The following IKBKG variants were observed in gnomAD, a reference collection of about 807,000 sequenced individuals.
IKBKG encodes the protein inhibitor of nuclear factor kappa B kinase regulatory subunit gamma, also known as NF-kappa-B essential modulator.
Under a neutral mutation model 13.7 loss-of-function variants are expected in IKBKG, and 2 were observed. The observed-to-expected ratio is 0.15, with a 90% CI of 0.06 to 0.46. The LOEUF (loss-of-function observed/expected upper bound fraction) is 0.46, where lower values mean the gene tolerates loss of function less well. IKBKG is among the 20% of genes least tolerant of loss of function. IKBKG has a pLI of 0.98. For missense variants in IKBKG, 53 were observed against 150.3 expected (o/e 0.35, Z 3.39); for synonymous variants, 22 against 64.4 (o/e 0.34, Z 3.15).
At chrX:154,550,166 T>C (rs1465120472) in intron 1 of IKBKG, among the ~76,000 whole-genome samples, 4 of 109,648 alleles carry the variant, frequency 3.6e-5, no homozygotes, top group African/African-American at 1.3e-4. Flanking sequence ...TAATGTTAAT[T>C]GCTCAGTGTG....
chrX:154,545,922 A>G, upstream of IKBKG: 1 of 929,617 alleles, frequency 1.1e-6, no homozygotes, highest in Non-Finnish European at 1.5e-6. Flanking sequence ...CAGGAGCGGG[A>G]GGAGGAGCTC....
At position 154,553,282 on chromosome X, in the gene IKBKG, T is replaced by C. The variant is rs782761164; in HGVS notation, c.187+1093T>C. On this transcript the variant is annotated intron_variant, in intron 2 of 9. Transcript: ENST00000594239. Reference sequence around the variant, plus strand: ...GCGAGGTGGCATGTGCCGTGACTACTAGAGATCGCTGTCATGGGCCCACTC... The same window carrying C: ...GCGAGGTGGCATGTGCCGTGACTACCAGAGATCGCTGTCATGGGCCCACTC... Among the ~76,000 whole-genome samples, 3 of 112,531 alleles carry C rather than the reference T, an allele frequency of 2.7e-5. No individual in the cohort carries two copies. The South Asian group carries it at 1.1e-3, about 41-fold the overall frequency.
intron 1 of IKBKG, among the ~76,000 whole-genome samples, 174 bp from the exon 2 acceptor site, chrX:154,551,814 C>T (rs1557235104): frequency 8.9e-6 from 1 of 112,114 alleles, no homozygotes; most frequent in Non-Finnish European, 1.9e-5. Flanking sequence ...CCAGCACCTC[C>T]CTTTGGAATG....
At chrX:154,545,735 T>C (rs1477526493), upstream of IKBKG, 8 of 271,910 alleles carry the variant, frequency 2.9e-5, no homozygotes, top group East Asian at 6.9e-4. Context: ...CTTGGGGGGC[T>C]GAGGCAGGAG....
At chrX:154,551,967 C>T in intron 1 of IKBKG, 21 bp from the exon 2 acceptor site, 3 of 1,046,943 alleles carry the variant, frequency 2.9e-6, no homozygotes, top group Non-Finnish European at 3.7e-6. Flanking sequence ...CTGTGACTCC[C>T]CTGCTGCCTT....
intron 2 of IKBKG, among the ~76,000 whole-genome samples, chrX:154,552,490 C>T (rs782265806): frequency 5.2e-4 from 57 of 110,462 alleles, no homozygotes; most frequent in African/African-American, 1.5e-3. Flanking sequence ...TGGAATGAAC[C>T]TTCCAGGTTG....
intron 2 of IKBKG, among the ~76,000 whole-genome samples, chrX:154,554,507 C>T (rs1205440907): frequency 1.8e-5 from 2 of 112,254 alleles, no homozygotes; most frequent in Non-Finnish European, 3.8e-5. Context: ...GCCTGTAATC[C>T]GAGCACTTTG....
At position 154,547,683 on chromosome X, in the gene IKBKG, C is replaced by A. The variant is rs990718180; in HGVS notation, c.-78C>A. The A allele has an allele frequency of 8.0e-6, 6 of 753,986 alleles. No individual in the cohort carries two copies. The highest frequency in any genetic ancestry group is 7.8e-6 in the Non-Finnish European group (5 of 639,246). 62.1% of individuals were successfully genotyped at this position (753,986 alleles called of 1,213,427 possible). On this transcript the variant is annotated 5_prime_UTR_variant, in exon 1 of 10. Coordinates refer to ENST00000594239, the MANE Select transcript of IKBKG (RefSeq NM_001099857.5). ...CTGGGACTTTCTCGGAGCGCCGGGG[C>A]CCTACCAGCGTTCACAGTCCGCCGC... is the stretch of plus-strand genomic sequence containing the variant.
At chrX:154,553,422 A>G (rs2070987719) in intron 2 of IKBKG, among the ~76,000 whole-genome samples, 1 of 112,811 alleles carries the variant, frequency 8.9e-6, no homozygotes, top group Admixed American at 9.3e-5. Context: ...GTGGGCAGAG[A>G]CAAGACCCAT....
intron 2 of IKBKG, among the ~76,000 whole-genome samples, chrX:154,554,409 A>C (rs900181769): frequency 8.9e-6 from 1 of 112,455 alleles, no homozygotes; most frequent in South Asian, 3.6e-4. Context: ...TGAATTAGTT[A>C]AAATAGTGAA....
upstream of IKBKG, chrX:154,547,494 G>A: frequency 6.6e-6 from 5 of 754,316 alleles, no homozygotes; most frequent in Non-Finnish European, 7.8e-6. Context: ...TGCAGAGCCT[G>A]GCGGACTCAG....
upstream of IKBKG, chrX:154,546,064 G>A (rs1391965433): frequency 6.6e-6 from 8 of 1,209,538 alleles, no homozygotes; most frequent in Non-Finnish European, 8.9e-6. Context: ...GAATATGTGT[G>A]TATCCGACTG....
At chrX:154,551,550 CT>C (rs1486984149) in intron 1 of IKBKG, among the ~76,000 whole-genome samples, 1 of 111,839 alleles carries the variant, frequency 8.9e-6, no homozygotes, top group East Asian at 2.8e-4. Flanking sequence ...TGCAAAGACC[CT>C]TTTCCCGAAT....
At chrX:154,544,334 G>C (rs1270334557), upstream of IKBKG, among the ~76,000 whole-genome samples, 1 of 108,146 alleles carries the variant, frequency 9.2e-6, no homozygotes, top group East Asian at 2.9e-4. Context: ...GCTAATTTTT[G>C]TATTTTTAGT....
At chrX:154,548,998 T>C (rs1239665782) in intron 1 of IKBKG, among the ~76,000 whole-genome samples, 19 of 104,742 alleles carry the variant, frequency 1.8e-4, no homozygotes, top group South Asian at 8.6e-4. Flanking sequence ...TTCTTTCTTT[T>C]TTTTTTTTTT....
upstream of IKBKG, among the ~76,000 whole-genome samples, chrX:154,544,619 AGGCTGG>A (rs1447476919): frequency 1.8e-5 from 2 of 112,217 alleles, no homozygotes; most frequent in Non-Finnish European, 3.8e-5. Flanking sequence ...TGAGGGGACC[AGGCTGG>A]GGCTGGGGCT....
chrX:154,547,911 C>G (rs1038592077), intron 1 of IKBKG, 166 bp downstream of exon 1: 16 of 753,689 alleles, frequency 2.1e-5, no homozygotes, highest in South Asian at 1.4e-4. Context: ...ACCCAGGTTA[C>G]TTGGGCGGCG....
Position 154,553,541 on chromosome X carries a change from G to A in IKBKG, c.187+1352G>A, listed in dbSNP as rs958052643. Among the ~76,000 whole-genome samples, 17 of 112,293 alleles carry A rather than the reference G, an allele frequency of 1.5e-4. 1 individual carries two copies. Among genetic ancestry groups the A allele is most frequent in the African/African-American group, 4.5e-4 (14 of 30,882 alleles). On this transcript the variant is annotated intron_variant, in intron 2 of 9. Transcript: ENST00000594239. ...CAGGGGGCTGCTTGGTCTCCTCGAC[G>A]GTGAGGCTGAATTGGAGAGGCCCTG... is the stretch of plus-strand genomic sequence containing the variant.
chrX:154,543,169 T>C (rs1330616081), upstream of IKBKG, among the ~76,000 whole-genome samples: 1 of 112,081 alleles, frequency 8.9e-6, no homozygotes, highest in Non-Finnish European at 1.9e-5. Context: ...ACCACGAGGC[T>C]CTTCAGAGAG....
Sources: gnomAD v4.1 joint callset for allele counts (sites outside exome capture counted in the v4.1 genomes callset) on GRCh38, gnomAD v4.1.1 for gene constraint, MANE v1.5 for transcripts, NCBI Gene and HGNC (gene_info 2026-07-23, HGNC 2026-07-21) for gene names.